Variants in ATL2 observed in about 807,000 individuals in gnomAD.
ATL2 encodes the protein atlastin GTPase 2, also known as atlastin-2.
In ATL2, 31 loss-of-function variants were observed where a neutral mutation model predicts 73.9. The observed-to-expected ratio is 0.42, with a 90% CI of 0.32 to 0.57. ATL2 has a LOEUF of 0.57. Ranked by LOEUF, ATL2 falls within the 20% of genes least tolerant of loss-of-function variation. ATL2 has a pLI of 0.14. For missense variants in ATL2, 738 were observed against 702.6 expected (o/e 1.05, Z -0.57); for synonymous variants, 291 against 237.5 (o/e 1.23, Z -2.07).
chr2:38,310,780 G>A (rs1479045300), intron 7 of ATL2, among the ~76,000 whole-genome samples: 1 of 151,996 alleles, frequency 6.6e-6, no homozygotes, highest in African/African-American at 2.4e-5. Context: ...TGGGATTACA[G>A]GCGTGCACCA....
chr2:38,350,023 A>G (rs1459569451), intron 1 of ATL2, among the ~76,000 whole-genome samples: 1 of 152,204 alleles, frequency 6.6e-6, no homozygotes, highest in East Asian at 1.9e-4. Context: ...CAAATGAATA[A>G]AAGAGAATTG....
At chr2:38,308,060 A>G (rs1163662829) in intron 9 of ATL2, among the ~76,000 whole-genome samples, 1 of 152,318 alleles carries the variant, frequency 6.6e-6, no homozygotes, top group South Asian at 2.1e-4. Flanking sequence ...TCCTCAAAAG[A>G]CTAAAAATAA....
At chr2:38,357,390 T>C (rs1404064846) in intron 1 of ATL2, among the ~76,000 whole-genome samples, 4 of 151,608 alleles carry the variant, frequency 2.6e-5, no homozygotes, top group Admixed American at 6.6e-5. Flanking sequence ...AATATACTTA[T>C]GATTTACTTC....
chr2:38,307,938 C>T (rs1260997969), intron 9 of ATL2, among the ~76,000 whole-genome samples: 2 of 151,924 alleles, frequency 1.3e-5, no homozygotes, highest in Admixed American at 6.6e-5. Flanking sequence ...TGTTTTTATC[C>T]AAAAGACAGG....
chr2:38,354,967 A>T (rs574075384), intron 1 of ATL2, among the ~76,000 whole-genome samples: 2 of 152,302 alleles, frequency 1.3e-5, no homozygotes, highest in South Asian at 4.1e-4. Context: ...CAAAGTAAAA[A>T]ATAAGAACAA....
At chr2:38,300,890 A>C (rs568819255) in intron 9 of ATL2, among the ~76,000 whole-genome samples, 2 of 151,918 alleles carry the variant, frequency 1.3e-5, no homozygotes, top group South Asian at 4.1e-4. Flanking sequence ...GAAAAAAAAA[A>C]AAAAAACTAA....
intron 9 of ATL2, among the ~76,000 whole-genome samples, chr2:38,307,345 G>A (rs72902120): frequency 0.1 from 15,399 of 151,384 alleles, 2,636 homozygotes; most frequent in African/African-American, 0.35. Context: ...GGTTTCCCCA[G>A]TGTTTTCTTT....
In ATL2 at chr2:38,314,373, C is replaced by T. The variant is rs79050738; in HGVS notation, c.711+235G>A. ...AACATCTGTTAAGAGAAACATTACT[C>T]CCCTTAATCTAAGTGAAAGCATTAA... is the stretch of plus-strand genomic sequence containing the variant. On this transcript the variant is annotated intron_variant, in intron 6 of 12. Coordinates refer to ENST00000378954, the MANE Select transcript of ATL2 (RefSeq NM_001135673.4). Among the ~76,000 whole-genome samples the T allele has an allele frequency of 0.022, 3,372 of 152,224 alleles. 129 individuals are homozygous for T. The highest frequency in any genetic ancestry group is 0.076 in the African/African-American group (3,154 of 41,508).
intron 1 of ATL2, among the ~76,000 whole-genome samples, chr2:38,373,848 T>C (rs1304075136): frequency 2.0e-5 from 3 of 152,206 alleles, no homozygotes; most frequent in Non-Finnish European, 4.4e-5. Context: ...CTACCAAGTA[T>C]TATCCTATTG....
At chr2:38,354,035 T>A (rs752862956) in intron 1 of ATL2, 1 of 290,848 alleles carries the variant, frequency 3.4e-6, no homozygotes, top group South Asian at 2.5e-5. Flanking sequence ...TCTATGAAAA[T>A]ACAAAAAATT....
Position 38,347,486 on chromosome 2 carries a change from A to G in ATL2, c.119-3974T>C, listed in dbSNP as rs144278508. On this transcript the variant is annotated intron_variant, in intron 1 of 12. Coordinates refer to ENST00000378954, the MANE Select transcript of ATL2 (RefSeq NM_001135673.4). ...GGCCCTCCCTGACCACTCAATCTAA[A>G]TCACAGATCCCTTTCCTTAACACTT... Among the ~76,000 whole-genome samples, 308 of 152,218 alleles carry G rather than the reference A, an allele frequency of 2.0e-3. 2 individuals are homozygous for G. Among genetic ancestry groups the G allele is most frequent in the African/African-American group, 7.2e-3 (299 of 41,526 alleles).
intron 1 of ATL2, among the ~76,000 whole-genome samples, chr2:38,356,748 C>A (rs1336305889): frequency 6.6e-6 from 1 of 152,148 alleles, no homozygotes; most frequent in Non-Finnish European, 1.5e-5. Flanking sequence ...TTAAATAAAA[C>A]TGAAAATTAA....
intron 1 of ATL2, among the ~76,000 whole-genome samples, chr2:38,369,796 T>C (rs148611436): frequency 0.011 from 1,607 of 152,084 alleles, 11 homozygotes; most frequent in Non-Finnish European, 0.016. Context: ...TTAATAGCCA[T>C]CTTGAAAAAA....
chr2:38,377,345 G>T (rs187326496), upstream of ATL2: 2 of 1,258,494 alleles, frequency 1.6e-6, no homozygotes, highest in East Asian at 2.8e-5. Context: ...CGGGGTGGCC[G>T]GCGGGTCCTA....
chr2:38,333,280 C>T (rs768159643), intron 2 of ATL2, among the ~76,000 whole-genome samples: 6 of 151,840 alleles, frequency 4.0e-5, no homozygotes, highest in East Asian at 1.9e-4. Flanking sequence ...CAGAGCGAGA[C>T]GATATCTCTA....
chr2:38,353,816 G>A (rs1188269093), intron 1 of ATL2, among the ~76,000 whole-genome samples: 1 of 152,232 alleles, frequency 6.6e-6, no homozygotes, highest in African/African-American at 2.4e-5. Context: ...TAGCTTTAGA[G>A]TGTTTTTAAA....
chr2:38,296,218 C>G, intron 12 of ATL2, 105 bp from the exon 13 acceptor site: 1 of 1,426,720 alleles, frequency 7.0e-7, no homozygotes, highest in Non-Finnish European at 9.2e-7. Flanking sequence ...ATGAAAATAA[C>G]CAGGAATATG....
In ATL2 at chr2:38,315,163, A is replaced by G. The variant is rs185543129; in HGVS notation, c.654+121T>C. On this transcript the variant is annotated intron_variant, in intron 5 of 12. Coordinates refer to ENST00000378954, the MANE Select transcript of ATL2 (RefSeq NM_001135673.4). ...CTACTTGGGAGGCTGAGGCAGGAGA[A>G]TCCCTTGAACTTGGGAGGGGGAGGT... 3,776 of 1,005,272 alleles carry G rather than the reference A, an allele frequency of 3.8e-3. 12 individuals carry two copies. Among genetic ancestry groups the G allele is most frequent in the Non-Finnish European group, 4.4e-3 (3,352 of 757,460 alleles). The allele number at this position is 1,005,272 out of a possible 1,614,324, so 62.3% of individuals were successfully genotyped here.
chr2:38,315,170 G>A, intron 5 of ATL2, 114 bp downstream of exon 5: 1 of 1,096,010 alleles, frequency 9.1e-7, no homozygotes, highest in African/African-American at 1.7e-5. Flanking sequence ...AGAATCCCTT[G>A]AACTTGGGAG....
Sources: gnomAD v4.1 joint callset for allele counts (sites outside exome capture counted in the v4.1 genomes callset) on GRCh38, gnomAD v4.1.1 for gene constraint, MANE v1.5 for transcripts, NCBI Gene and HGNC (gene_info 2026-07-23, HGNC 2026-07-21) for gene names.